The following NDRG4 variants were observed in gnomAD, a reference collection of about 807,000 sequenced individuals.
The protein encoded by NDRG4 is protein NDRG4.
Under a neutral mutation model 55.8 loss-of-function variants are expected in NDRG4, and 38 were observed. The observed-to-expected ratio is 0.68, with a 90% CI of 0.53 to 0.89. The LOEUF (loss-of-function observed/expected upper bound fraction) is 0.89. NDRG4 is among the 40% of genes least tolerant of loss of function. NDRG4 has a pLI of 0.00. For missense variants in NDRG4, 455 were observed against 468.6 expected, an observed-to-expected ratio of 0.97 and a Z score of 0.27; for synonymous variants, 190 against 182.7, an observed-to-expected ratio of 1.04 and a Z score of -0.32.
chr16:58,507,867 G>A lies in NDRG4; in HGVS notation c.677+3G>A. Reference sequence around the variant, plus strand: ...GTGCCCAATGCCAAGACGCTCCGGTGAGTGGCCCCTGGCCCTCTGGCCTGC... The same window carrying A: ...GTGCCCAATGCCAAGACGCTCCGGTAAGTGGCCCCTGGCCCTCTGGCCTGC... On this transcript the variant is annotated splice_donor_region_variant and intron_variant, in intron 9 of 14. Coordinates refer to ENST00000570248, the MANE Select transcript of NDRG4 (RefSeq NM_001242835.2). 6.2e-7 allele frequency: 1 copy of A among 1,614,036 alleles called. No individual in the cohort carries two copies. Among genetic ancestry groups the A allele is most frequent in the South Asian group, 1.1e-5 (1 of 91,074 alleles).
chr16:58,487,660 G>A (rs922769389), intron 1 of NDRG4: 2 of 983,130 alleles, frequency 2.0e-6, no homozygotes, highest in African/African-American at 3.3e-5. Context: ...CAGTGCATCT[G>A]GTTTCCGCGC....
chr16:58,500,015 C>A (rs2151765878), upstream of NDRG4: 2 of 1,228,746 alleles, frequency 1.6e-6, no homozygotes, highest in Non-Finnish European at 2.2e-6. Context: ...AGGCTTGTCT[C>A]CCAGCAGCCA....
chr16:58,478,928 G>C (rs530752104), intron 1 of NDRG4, among the ~76,000 whole-genome samples: 1 of 152,136 alleles, frequency 6.6e-6, no homozygotes, highest in East Asian at 1.9e-4. Context: ...CTTCCTCAGA[G>C]AGAAGCATTG....
upstream of NDRG4, among the ~76,000 whole-genome samples, chr16:58,496,612 G>A (rs1373810483): frequency 3.3e-5 from 5 of 151,982 alleles, no homozygotes; most frequent in African/African-American, 9.7e-5. Context: ...TTCTGGCCCC[G>A]CCACTTCCAA....
chr16:58,506,133 C>CGTGTGTGTGTGTGTGTATGT, intron 5 of NDRG4: 2 of 539,520 alleles, frequency 3.7e-6, no homozygotes, highest in Non-Finnish European at 6.5e-6. Flanking sequence ...GTTGAAAGAG[C>CGTGTGTGTGTGTGTGTATGT]GTGTGTGTGT....
chr16:58,508,015 T>C lies in NDRG4; in HGVS notation c.729+16T>C. 1 of 1,499,086 alleles carries C rather than the reference T, an allele frequency of 6.7e-7. No homozygotes were observed. The highest frequency in any genetic ancestry group is 9.1e-7 in the Non-Finnish European group (1 of 1,104,278). The allele number at this position is 1,499,086 out of a possible 1,614,324, so 92.9% of individuals were successfully genotyped here. On this transcript the variant is annotated intron_variant, in intron 10 of 14. Coordinates refer to ENST00000570248, the MANE Select transcript of NDRG4 (RefSeq NM_001242835.2). ...GGACGGGGTGGTAAGTGAGGGGCTG[T>C]GGGCTCACTGGGGGTGGGAGGTAGG...
At chr16:58,483,558 G>A (rs554728151) in intron 1 of NDRG4, among the ~76,000 whole-genome samples, 2 of 152,244 alleles carry the variant, frequency 1.3e-5, no homozygotes, top group African/African-American at 2.4e-5. Context: ...CAAAGGGGCT[G>A]TTTCCTCTCC....
intron 1 of NDRG4, among the ~76,000 whole-genome samples, chr16:58,482,242 T>G (rs2034485324): frequency 6.6e-6 from 1 of 152,200 alleles, no homozygotes; most frequent in Non-Finnish European, 1.5e-5. Context: ...TGTGGCATAC[T>G]CAAGGCAGTG....
intron 5 of NDRG4, 149 bp downstream of exon 5, chr16:58,504,798 CTT>C: frequency 1.4e-6 from 1 of 718,458 alleles, no homozygotes; most frequent in Admixed American, 3.1e-5. Context: ...TAGAAAACCT[CTT>C]TTTTCTTTTT....
At chr16:58,506,718 C>T (rs2151826205) in intron 7 of NDRG4, 104 bp downstream of exon 7, 2 of 1,339,814 alleles carry the variant, frequency 1.5e-6, no homozygotes, top group South Asian at 1.3e-5. Context: ...ACCTGGCTCA[C>T]TCCAGATGCT....
At chr16:58,505,169 G>A (rs1425052626) in intron 5 of NDRG4, among the ~76,000 whole-genome samples, 1 of 152,084 alleles carries the variant, frequency 6.6e-6, no homozygotes, top group Admixed American at 6.6e-5. Flanking sequence ...CTAACACGGT[G>A]AAACCCAGTC....
intron 1 of NDRG4, among the ~76,000 whole-genome samples, chr16:58,480,732 C>T (rs972998379): frequency 1.3e-5 from 2 of 152,152 alleles, no homozygotes; most frequent in African/African-American, 2.4e-5. Context: ...AAGATCAGGT[C>T]GCTGTCCTCT....
At chr16:58,515,325 C>G (rs2039076602), downstream of NDRG4, among the ~76,000 whole-genome samples, 1 of 152,260 alleles carries the variant, frequency 6.6e-6, no homozygotes, top group African/African-American at 2.4e-5. Context: ...CGGCACGGGA[C>G]TCTCCTTCTG....
chr16:58,507,766 G>T, intron 8 of NDRG4, 42 bp from the exon 9 acceptor site: 1 of 1,598,944 alleles, frequency 6.3e-7, no homozygotes, highest in African/African-American at 1.3e-5. Flanking sequence ...ATCCTGTCCT[G>T]GGGTGCCCAC....
At chr16:58,472,547 CT>C (rs1447834664) in intron 1 of NDRG4, among the ~76,000 whole-genome samples, 2 of 152,158 alleles carry the variant, frequency 1.3e-5, no homozygotes, top group African/African-American at 4.8e-5. Context: ...ACCCGACCCC[CT>C]GGGACCATGC....
chr16:58,515,370 G>A, downstream of NDRG4: 1 of 690,920 alleles, frequency 1.4e-6, no homozygotes, highest in Non-Finnish European at 2.3e-6. Context: ...GGAGATCCTG[G>A]ACTCAAGATG....
intron 1 of NDRG4, among the ~76,000 whole-genome samples, chr16:58,465,929 C>A (rs1456188313): frequency 1.3e-5 from 2 of 152,170 alleles, no homozygotes; most frequent in African/African-American, 4.8e-5. Flanking sequence ...TGAGGCAGGC[C>A]CAGCTCACCC....
chr16:58,492,605 A>C (rs1228297547), intron 2 of NDRG4, among the ~76,000 whole-genome samples: 1 of 150,832 alleles, frequency 6.6e-6, no homozygotes, highest in Admixed American at 6.6e-5. Context: ...GTAGTGCCAC[A>C]ATCTTAGCTC....
intron 1 of NDRG4, chr16:58,500,925 T>C (rs2036996870): frequency 2.7e-6 from 3 of 1,104,260 alleles, no homozygotes; most frequent in Non-Finnish European, 3.5e-6. Flanking sequence ...ATGACAGCCT[T>C]TCAGGCAGGG....
Sources: gnomAD v4.1 joint callset for allele counts (sites outside exome capture counted in the v4.1 genomes callset) on GRCh38, gnomAD v4.1.1 for gene constraint, MANE v1.5 for transcripts, NCBI Gene and HGNC (gene_info 2026-07-23, HGNC 2026-07-21) for gene names.